ANXA13: variants seen among roughly 807,000 people sequenced by gnomAD.
The protein encoded by ANXA13 is annexin A13.
Under a neutral mutation model 46.6 loss-of-function variants are expected in ANXA13, and 36 were observed. That is an observed-to-expected ratio of 0.77 (90% CI 0.59 to 1.02). The LOEUF is 1.02. Ranked by LOEUF, ANXA13 falls within the 50% of genes least tolerant of loss-of-function variation. The pLI, the probability that ANXA13 is intolerant of heterozygous loss-of-function variation, is 0.00. For missense variants in ANXA13, 417 were observed against 396.5 expected, an observed-to-expected ratio of 1.05 and a Z score of -0.44; for synonymous variants, 163 against 152.9, an observed-to-expected ratio of 1.07 and a Z score of -0.49.
At chr8:123,684,481 A>G in intron 10 of ANXA13, 129 bp downstream of exon 10, 1 of 633,870 alleles carries the variant, frequency 1.6e-6, no homozygotes. Context: ...AAATTCTGGG[A>G]AGGCAAGGGG....
At chr8:123,693,857 C>G in intron 6 of ANXA13, 78 bp from the exon 7 acceptor site, 1 of 1,346,262 alleles carries the variant, frequency 7.4e-7, no homozygotes, top group Non-Finnish European at 1.1e-6. Context: ...AAAACAAAGT[C>G]CTGGAGAAAG....
chr8:123,724,917 A>G (rs1162226337), intron 1 of ANXA13, among the ~76,000 whole-genome samples: 2 of 152,160 alleles, frequency 1.3e-5, no homozygotes, highest in Non-Finnish European at 2.9e-5. Flanking sequence ...GGCTTCTTTC[A>G]CGCTACAATG....
At chr8:123,710,277 G>A (rs539895658) in intron 2 of ANXA13, among the ~76,000 whole-genome samples, 2 of 152,290 alleles carry the variant, frequency 1.3e-5, no homozygotes, top group South Asian at 4.1e-4. Context: ...CATATCATAT[G>A]ATTCTATTTA....
rs1044938999 is a variant in ANXA13, at chr8:123,701,307, T to G, written c.186+1335A>C. ...CAAAATTAAAATACAAAAATTTTAC[T>G]AAAAACACAAAAATTAGCTGGGCAT... On this transcript the variant is annotated intron_variant, in intron 3 of 10. Coordinates refer to ENST00000419625, the MANE Select transcript of ANXA13 (RefSeq NM_004306.4). 2.0e-5 allele frequency among the ~76,000 whole-genome samples: 3 copies of G among 152,144 alleles called. No homozygotes were observed. In the South Asian group the frequency reaches 6.2e-4, roughly 32 times the overall value.
chr8:123,699,354 A>T (rs1027841526), intron 3 of ANXA13, among the ~76,000 whole-genome samples: 12 of 152,038 alleles, frequency 7.9e-5, no homozygotes, highest in South Asian at 2.1e-4. Context: ...TAATTTTTAA[A>T]TTTTTTTGTG....
chr8:123,708,127 A>G (rs536009724), intron 2 of ANXA13, among the ~76,000 whole-genome samples: 2 of 152,270 alleles, frequency 1.3e-5, no homozygotes, highest in Admixed American at 6.5e-5. Context: ...GATTTCCTGT[A>G]AATACTTACA....
chr8:123,681,619 C>CTTTTTTTTTTTTT (rs5894670), intron 10 of ANXA13, among the ~76,000 whole-genome samples: 2 of 107,038 alleles, frequency 1.9e-5, no homozygotes. Context: ...TCTTGAATTT[C>CTTTTTTTTTTTTT]TTTTTTTTTT....
intron 8 of ANXA13, among the ~76,000 whole-genome samples, chr8:123,691,485 G>A (rs773415701): frequency 1.3e-5 from 2 of 152,288 alleles, no homozygotes; most frequent in East Asian, 1.9e-4. Flanking sequence ...GGAGACGCCC[G>A]ACAATTGCTA....
rs749627143 is a variant in ANXA13, at chr8:123,688,964, A to G, written c.643-18T>C. 5 of 1,612,552 alleles carry G rather than the reference A, an allele frequency of 3.1e-6. No individual in the cohort carries two copies. Among genetic ancestry groups the G allele is most frequent in the Non-Finnish European group, 4.2e-6 (5 of 1,178,920 alleles). ...CCAATGAGCTGCAGCGAAAACCAAA[A>G]TCAACTGTTATTCCAGGTTTGCCTT... On this transcript the variant is annotated intron_variant, in intron 8 of 10. Transcript: ENST00000419625.
rs1173790349 is a variant in ANXA13 at position 123,698,446 on chromosome 8, C to A, written c.300G>T (p.Lys100Asn). The A allele has an allele frequency of 6.2e-7, 1 of 1,614,176 alleles. No homozygotes were observed. Among genetic ancestry groups the A allele is most frequent in the Non-Finnish European group, 8.5e-7 (1 of 1,180,028 alleles). Residue 100 changes from lysine (K) to asparagine (N), a missense_variant, in exon 4 of 11, where the codon AAG becomes AAT. Transcript: ENST00000419625. ...YAARQLQKAM[K>N]GLGTDESVLI... ...GGACGGACTCATCTGTGCCCAGACC[C>A]TTCATAGCCTTCTGCAGCTGCCGGG...
At chr8:123,733,311 TCA>T (rs552789141) in intron 1 of ANXA13, among the ~76,000 whole-genome samples, 47 of 152,310 alleles carry the variant, frequency 3.1e-4, no homozygotes, top group South Asian at 1.5e-3. Context: ...GGATTTGGGA[TCA>T]CAGTTTAATG....
At chr8:123,735,229 C>A (rs981943522) in intron 1 of ANXA13, among the ~76,000 whole-genome samples, 1 of 151,696 alleles carries the variant, frequency 6.6e-6, no homozygotes, top group Non-Finnish European at 1.5e-5. Context: ...TGATGACATA[C>A]ATTTAAACAG....
chr8:123,689,620 C>T (rs1813198142), intron 8 of ANXA13, among the ~76,000 whole-genome samples: 2 of 152,162 alleles, frequency 1.3e-5, no homozygotes, highest in Non-Finnish European at 2.9e-5. Context: ...TCACATATTG[C>T]TCTGCGCAGC....
At chr8:123,685,257 C>T (rs937250979) in intron 9 of ANXA13, among the ~76,000 whole-genome samples, 5 of 152,282 alleles carry the variant, frequency 3.3e-5, no homozygotes, top group Middle Eastern at 3.4e-3. Context: ...GTTTGCAATC[C>T]GGGATGTGGA....
At position 123,722,419 on chromosome 8, in the gene ANXA13, T is replaced by C. The variant is rs146584302; in HGVS notation, c.16-9666A>G. 2.3e-4 allele frequency among the ~76,000 whole-genome samples: 34 copies of C among 150,988 alleles called. No individual in the cohort carries two copies. The East Asian group carries it at 6.6e-3, about 29-fold the overall frequency. ...GAAAAGCTCAGTTCAACTCTTAGAA[T>C]GATAGTCTTTTACAGAAACACTAGA... On this transcript the variant is annotated intron_variant, in intron 1 of 10. Coordinates refer to ENST00000419625, the MANE Select transcript of ANXA13 (RefSeq NM_004306.4).
At chr8:123,691,912 A>G (rs1813250566) in intron 8 of ANXA13, among the ~76,000 whole-genome samples, 1 of 152,162 alleles carries the variant, frequency 6.6e-6, no homozygotes, top group Non-Finnish European at 1.5e-5. Context: ...CAGAAACTCC[A>G]TCTGTGGGCT....
chr8:123,731,706 C>G (rs1372093441), intron 1 of ANXA13, among the ~76,000 whole-genome samples: 1 of 152,042 alleles, frequency 6.6e-6, no homozygotes, highest in African/African-American at 2.4e-5. Context: ...GACCCCCCAT[C>G]TCTACAAAAA....
At chr8:123,714,062 A>G (rs967693437) in intron 1 of ANXA13, among the ~76,000 whole-genome samples, 4 of 152,000 alleles carry the variant, frequency 2.6e-5, no homozygotes, top group African/African-American at 4.8e-5. Flanking sequence ...CCGCAGTTCA[A>G]CTCTCCCTGC....
At chr8:123,697,076 A>C (rs1172939762) in intron 4 of ANXA13, among the ~76,000 whole-genome samples, 1 of 152,034 alleles carries the variant, frequency 6.6e-6, no homozygotes, top group Non-Finnish European at 1.5e-5. Context: ...CACCTGGCTA[A>C]TTTTTGTATT....
Sources: allele counts gnomAD v4.1 joint callset (sites outside exome capture counted in the v4.1 genomes callset), GRCh38; gene constraint gnomAD v4.1.1; transcripts MANE v1.5; gene names NCBI Gene and HGNC (gene_info 2026-07-23, HGNC 2026-07-21).